Variants in PFKFB3 observed in about 807,000 individuals in gnomAD.
PFKFB3 encodes 6-phosphofructo-2-kinase/fructose-2,6-bisphosphatase 3.
PFKFB3 carries 33 observed loss-of-function variants against 68.0 expected under a neutral mutation model. The ratio of observed to expected loss-of-function variants is 0.49; its 90% confidence interval spans 0.37 to 0.65. The LOEUF (loss-of-function observed/expected upper bound fraction) is 0.65, where lower values mean the gene tolerates loss of function less well. PFKFB3 is among the 30% of genes least tolerant of loss of function. The pLI is 0.00. For synonymous variants in PFKFB3, 315 were observed against 288.2 expected (o/e 1.09, Z -0.94); for missense variants, 586 against 712.2 (o/e 0.82, Z 2.02).
chr10:6,201,057 G>A (rs929988626), upstream of PFKFB3, among the ~76,000 whole-genome samples: 2 of 152,180 alleles, frequency 1.3e-5, no homozygotes, highest in African/African-American at 4.8e-5. This position sits in a 1 kb window ranked among gnomAD's most constrained non-coding sequence, Gnocchi z 4.1. Context: ...GGCAAGCAGC[G>A]GGCGCGCAGG....
At chr10:6,170,566 C>T (rs1842277127) in intron 1 of PFKFB3, among the ~76,000 whole-genome samples, 1 of 152,174 alleles carries the variant, frequency 6.6e-6, no homozygotes, top group African/African-American at 2.4e-5. Context: ...TATATTTAAA[C>T]CAGACTAGAA....
chr10:6,277,853 C>T, the PFKFB3 span: 7 of 252,424 alleles, frequency 2.8e-5, no homozygotes, highest in South Asian at 1.8e-4. Context: ...CAGCATGTAA[C>T]CTGCTAGTGG....
chr10:6,315,534 A>C, the PFKFB3 span, among the ~76,000 whole-genome samples: 1 of 152,022 alleles, frequency 6.6e-6, no homozygotes, highest in Non-Finnish European at 1.5e-5. Flanking sequence ...TCCAGGCTGG[A>C]GTGCAATGGT....
intron 14 of PFKFB3, chr10:6,231,725 C>G: frequency 3.8e-5 from 12 of 318,150 alleles, no homozygotes; most frequent in Non-Finnish European, 5.5e-5. Flanking sequence ...ATTGCCCCCT[C>G]CCAGTGGGCA....
chr10:6,253,649 G>GA (rs987919171), intron 14 of PFKFB3, among the ~76,000 whole-genome samples: 8 of 148,452 alleles, frequency 5.4e-5, no homozygotes, highest in African/African-American at 7.4e-5. Context: ...AGAGGAGAAA[G>GA]AAAAAAAAAA....
chr10:6,216,856 C>T, intron 5 of PFKFB3, 76 bp downstream of exon 5: 1 of 998,984 alleles, frequency 1.0e-6, no homozygotes, highest in Non-Finnish European at 1.5e-6. Context: ...CTGAGTCCTG[C>T]TTGGTCCTTC....
At chr10:6,309,891 A>G in the PFKFB3 span, among the ~76,000 whole-genome samples, 3 of 152,134 alleles carry the variant, frequency 2.0e-5, no homozygotes, top group Non-Finnish European at 2.9e-5. Context: ...AACATTTTTT[A>G]AAAATGTGTC....
chr10:6,177,751 C>T (rs1463093196), intron 1 of PFKFB3, among the ~76,000 whole-genome samples: 3 of 151,974 alleles, frequency 2.0e-5, no homozygotes, highest in Admixed American at 1.3e-4. Context: ...CTCGAACTCC[C>T]GACCTCAGGT....
chr10:6,249,717 G>A (rs1381154175), intron 14 of PFKFB3, among the ~76,000 whole-genome samples: 1 of 151,618 alleles, frequency 6.6e-6, no homozygotes, highest in African/African-American at 2.4e-5. Flanking sequence ...ATGGTCAAAG[G>A]GTACAAAATC....
At chr10:6,194,866 T>C (rs1450364417) in intron 1 of PFKFB3, among the ~76,000 whole-genome samples, 1 of 137,316 alleles carries the variant, frequency 7.3e-6, no homozygotes, top group African/African-American at 2.5e-5. Context: ...CTCCTGTTTC[T>C]TTTCTTTTTT....
At position 6,188,222 on chromosome 10, in the gene PFKFB3, G is replaced by A. The variant is rs539727572; in HGVS notation, c.17-25401G>A. ...GGTGTATTTCCTCAAAACGAGCACA[G>A]TATCATGATTGAAATCAGGATATCA... On this transcript the variant is annotated intron_variant, in intron 1 of 14. Transcript: ENST00000379789. 1.1e-3 allele frequency among the ~76,000 whole-genome samples: 162 copies of A among 151,822 alleles called. 1 individual carries two copies. Among genetic ancestry groups the A allele is most frequent in the Non-Finnish European group, 4.1e-4 (28 of 68,002 alleles).
chr10:6,224,541 C>A, intron 13 of PFKFB3: 1 of 481,312 alleles, frequency 2.1e-6, no homozygotes, highest in Admixed American at 2.4e-5. Flanking sequence ...AGTGCGGTGG[C>A]GCAGTCACGG....
chr10:6,227,072 G>A (rs1845413377), intron 14 of PFKFB3, among the ~76,000 whole-genome samples: 1 of 151,810 alleles, frequency 6.6e-6, no homozygotes, highest in African/African-American at 2.4e-5. Context: ...GGTGACAGAG[G>A]GAGACTCCGT....
At chr10:6,231,571 G>A (rs1208544159) in intron 14 of PFKFB3, 1 of 985,424 alleles carries the variant, frequency 1.0e-6, no homozygotes, top group South Asian at 4.7e-5. Context: ...GCCATCACCT[G>A]TGGGTGCCGG....
At chr10:6,237,529 C>T (rs548823591), downstream of PFKFB3, among the ~76,000 whole-genome samples, 1 of 152,364 alleles carries the variant, frequency 6.6e-6, no homozygotes, top group African/African-American at 2.4e-5. Flanking sequence ...TCAAAGCCTT[C>T]TGTGAGTTTT....
upstream of PFKFB3, among the ~76,000 whole-genome samples, chr10:6,200,668 G>C (rs1269560973): frequency 1.9e-4 from 26 of 135,652 alleles, 2 homozygotes; most frequent in Non-Finnish European, 2.5e-4. Flanking sequence ...GCGGGGGGGG[G>C]GGGGGGGCGG....
At chr10:6,158,466 T>C (rs12572233) in intron 1 of PFKFB3, among the ~76,000 whole-genome samples, 37,821 of 152,168 alleles carry the variant, frequency 0.25, 4,827 homozygotes, top group Non-Finnish European at 0.27. Context: ...CTTTCAGTGT[T>C]GACAGAATGT....
intron 1 of PFKFB3, among the ~76,000 whole-genome samples, chr10:6,156,447 C>T (rs541179006): frequency 8.0e-5 from 12 of 149,546 alleles, no homozygotes; most frequent in East Asian, 2.0e-4. Flanking sequence ...TGTGTCATCA[C>T]GTCCAGCCTC....
At chr10:6,236,502 G>A (rs753156569), downstream of PFKFB3, among the ~76,000 whole-genome samples, 4 of 152,302 alleles carry the variant, frequency 2.6e-5, no homozygotes, top group Non-Finnish European at 4.4e-5. Flanking sequence ...TCCCTTAGGC[G>A]CCTGCCGCCC....
Sources: allele counts gnomAD v4.1 joint callset (sites outside exome capture counted in the v4.1 genomes callset), GRCh38; gene constraint gnomAD v4.1.1; non-coding constraint Gnocchi (gnomAD v3.1); transcripts MANE v1.5; gene names NCBI Gene and HGNC (gene_info 2026-07-23, HGNC 2026-07-21).